RELN: variants seen among roughly 807,000 people sequenced by gnomAD.
RELN encodes reelin.
RELN carries 108 observed loss-of-function variants against 427.6 expected under a neutral mutation model. The observed-to-expected ratio is 0.25, with a 90% CI of 0.22 to 0.30. The LOEUF is 0.30. Ranked by LOEUF, RELN falls within the 10% of genes least tolerant of loss-of-function variation. The pLI, the probability that RELN is intolerant of heterozygous loss-of-function variation, is 1.00. For synonymous variants in RELN, 1,524 were observed against 1,513.4 expected (o/e 1.01, Z -0.16); for missense variants, 3,715 against 4,302.8 (o/e 0.86, Z 3.82).
chr7:103,558,711 G>A lies in RELN; in HGVS notation c.5530-662C>T, dbSNP rs186374881. On this transcript the variant is annotated intron_variant, in intron 36 of 64. Coordinates refer to ENST00000428762, the MANE Select transcript of RELN (RefSeq NM_005045.4). ...TCTGGTTGCCTAGGATTGACAACTC[G>A]AAAGGTTCTTTTCTTCTTGGGTACA... Among the ~76,000 whole-genome samples, 9 of 152,166 alleles carry A rather than the reference G, an allele frequency of 5.9e-5. No individual in the cohort carries two copies. The East Asian group carries it at 1.7e-3, about 29-fold the overall frequency.
At position 103,776,513 on chromosome 7, in the gene RELN, G is replaced by C. The variant is rs750279714; in HGVS notation, c.544+44C>G. 3.1e-6 allele frequency: 5 copies of C among 1,589,144 alleles called. No homozygotes were observed. In the Admixed American group the frequency reaches 8.3e-5, roughly 26 times the overall value. On this transcript the variant is annotated intron_variant, in intron 4 of 64. Transcript: ENST00000428762. ...GTACATAGAACACAGGACCTACCAT[G>C]AATAGTTTGGACATAACACAAACAA...
chr7:103,840,429 T>TCAGGACACCCCCTCTCATA (rs1793525239), intron 2 of RELN, among the ~76,000 whole-genome samples: 1 of 152,232 alleles, frequency 6.6e-6, no homozygotes, highest in African/African-American at 2.4e-5. Context: ...ATGACCTCTG[T>TCAGGACACCCCCTCTCATA]CAGGACACCC....
At chr7:103,862,409 TTCTA>T (rs66998908) in intron 2 of RELN, among the ~76,000 whole-genome samples, 22,637 of 144,294 alleles carry the variant, frequency 0.16, 1,791 homozygotes, top group Non-Finnish European at 0.18. Context: ...TATGCTTTTG[TTCTA>T]TCTATCTATC....
chr7:103,597,790 C>A (rs1352841437), intron 24 of RELN, among the ~76,000 whole-genome samples: 2 of 152,126 alleles, frequency 1.3e-5, no homozygotes, highest in African/African-American at 2.4e-5. Flanking sequence ...CTTAGTGAGT[C>A]CCCTGCAGGT....
At chr7:103,634,499 C>T (rs1249929257) in intron 19 of RELN, among the ~76,000 whole-genome samples, 1 of 152,090 alleles carries the variant, frequency 6.6e-6, no homozygotes, top group African/African-American at 2.4e-5. Context: ...ATTCTGCCAA[C>T]ATTGAAAGAT....
At chr7:103,933,422 T>G (rs1011633690) in intron 1 of RELN, among the ~76,000 whole-genome samples, 1 of 144,508 alleles carries the variant, frequency 6.9e-6, no homozygotes, top group African/African-American at 2.6e-5. Flanking sequence ...TGGCCAGGCA[T>G]AGTCACTCAT....
At chr7:103,666,748 C>T (rs1306171380) in intron 11 of RELN, among the ~76,000 whole-genome samples, 1 of 152,098 alleles carries the variant, frequency 6.6e-6, no homozygotes, top group Non-Finnish European at 1.5e-5. Context: ...AATTTTCCCA[C>T]CACCTGGGTG....
At chr7:103,977,681 G>GTT (rs1796909603) in intron 1 of RELN, among the ~76,000 whole-genome samples, 1 of 152,102 alleles carries the variant, frequency 6.6e-6, no homozygotes, top group Non-Finnish European at 1.5e-5. Context: ...TCCTTTAGCA[G>GTT]TTGACCACTC....
intron 11 of RELN, among the ~76,000 whole-genome samples, chr7:103,669,684 G>A (rs1007979079): frequency 9.2e-5 from 14 of 151,832 alleles, no homozygotes; most frequent in East Asian, 3.9e-4. Flanking sequence ...TCAACATCTC[G>A]GATGGCATGG....
At chr7:103,532,519 CA>C (rs1562875195) in intron 46 of RELN, among the ~76,000 whole-genome samples, 1 of 152,102 alleles carries the variant, frequency 6.6e-6, no homozygotes, top group Admixed American at 6.6e-5. Context: ...TCCCTATTGC[CA>C]AACACTTTAA....
intron 2 of RELN, among the ~76,000 whole-genome samples, chr7:103,874,156 AC>A (rs1375772399): frequency 1.2e-4 from 16 of 137,872 alleles, no homozygotes; most frequent in African/African-American, 3.3e-4. Context: ...AAATTCAACA[AC>A]CCTTCATGCT....
In RELN at chr7:103,637,020, T is replaced by G. The variant is rs188674697; in HGVS notation, c.2070-552A>C. On this transcript the variant is annotated intron_variant, in intron 17 of 64. Transcript: ENST00000428762. ...GATAGATGTCCTTAGCAGAACTGTG[T>G]TGCCTCTCAGTGGACTCTCCCAAAT... Among the ~76,000 whole-genome samples, 11 of 152,328 alleles carry G rather than the reference T, an allele frequency of 7.2e-5. 1 individual carries two copies. The East Asian group carries it at 1.5e-3, about 21-fold the overall frequency.
chr7:103,673,666 G>T (rs1219705638), intron 11 of RELN, among the ~76,000 whole-genome samples: 1 of 151,990 alleles, frequency 6.6e-6, no homozygotes, highest in East Asian at 1.9e-4. Flanking sequence ...AACAGTTTTT[G>T]TTTTTTCCTA....
intron 2 of RELN, among the ~76,000 whole-genome samples, chr7:103,878,920 C>T (rs1794545241): frequency 6.6e-6 from 1 of 152,156 alleles, no homozygotes; most frequent in Non-Finnish European, 1.5e-5. Flanking sequence ...TACTCTTGGT[C>T]AATCTTCAAA....
intron 20 of RELN, among the ~76,000 whole-genome samples, chr7:103,622,351 C>T (rs1258166522): frequency 6.6e-6 from 1 of 152,174 alleles, no homozygotes; most frequent in African/African-American, 2.4e-5. Flanking sequence ...TCCATTCATC[C>T]ACTGCCACCA....
rs1394018569 is a variant in RELN, at chr7:103,620,143, GGTAA to G, written c.2703-8344_2703-8341del. 5.9e-5 allele frequency among the ~76,000 whole-genome samples: 9 copies of G among 152,110 alleles called. No homozygotes were observed. In the East Asian group the frequency reaches 1.7e-3, roughly 29 times the overall value. On this transcript the variant is annotated intron_variant, in intron 20 of 64. Transcript: ENST00000428762. This position sits in a 1 kb window ranked among gnomAD's most constrained non-coding sequence, Gnocchi z 4.1. ...CACCCATACTGTTCTCATGGTAGTG[GGTAA>G]GTCTCATGAGAACTGATGATTTTAT...
intron 10 of RELN, among the ~76,000 whole-genome samples, chr7:103,696,884 A>G (rs890921113): frequency 1.3e-5 from 2 of 152,006 alleles, no homozygotes; most frequent in African/African-American, 4.8e-5. Context: ...AAAAATTCAA[A>G]CTCTACAGAG....
chr7:103,688,500 T>C (rs79142932), intron 10 of RELN, among the ~76,000 whole-genome samples: 13,172 of 152,084 alleles, frequency 0.087, 897 homozygotes, highest in African/African-American at 0.18. Context: ...GGGTTATATT[T>C]CCAAAAAGTA....
chr7:103,833,805 T>A, intron 2 of RELN, 133 bp from the exon 3 acceptor site: 1 of 853,960 alleles, frequency 1.2e-6, no homozygotes, highest in Admixed American at 2.0e-5. Context: ...ATAAGTTATG[T>A]AATTTTTCAC....
Sources: allele counts gnomAD v4.1 joint callset (sites outside exome capture counted in the v4.1 genomes callset), GRCh38; gene constraint gnomAD v4.1.1; non-coding constraint Gnocchi (gnomAD v3.1); transcripts MANE v1.5; gene names NCBI Gene and HGNC (gene_info 2026-07-23, HGNC 2026-07-21).